Variants in KHDRBS2 observed in about 807,000 individuals in gnomAD.
The protein encoded by KHDRBS2 is KH domain-containing, RNA-binding, signal transduction-associated protein 2.
Under a neutral mutation model 44.3 loss-of-function variants are expected in KHDRBS2, and 26 were observed. That is an observed-to-expected ratio of 0.59 (90% CI 0.43 to 0.81). KHDRBS2 has a LOEUF of 0.81. KHDRBS2 is among the 40% of genes least tolerant of loss of function. The pLI, the probability that KHDRBS2 is intolerant of heterozygous loss-of-function variation, is 0.00. For missense variants in KHDRBS2, 476 were observed against 433.1 expected (o/e 1.10, Z -0.88); for synonymous variants, 194 against 151.1 (o/e 1.28, Z -2.08).
chr6:62,093,856 T>TTGTGTGTGTGTGTGTGTGTGTG, intron 2 of KHDRBS2, among the ~76,000 whole-genome samples: 1 of 143,308 alleles, frequency 7.0e-6, no homozygotes, highest in South Asian at 2.2e-4. Flanking sequence ...TTCCATTGTT[T>TTGTGTGTGTGTGTGTGTGTGTG]TGTGTGTGTG....
intron 1 of KHDRBS2, among the ~76,000 whole-genome samples, chr6:62,270,995 T>TA (rs1439181805): frequency 6.6e-6 from 1 of 152,160 alleles, no homozygotes; most frequent in Admixed American, 6.6e-5. Flanking sequence ...CAGCATTTTT[T>TA]ACCATATTCC....
At chr6:61,931,468 G>GAT (rs569980122) in intron 4 of KHDRBS2, among the ~76,000 whole-genome samples, 290 of 151,712 alleles carry the variant, frequency 1.9e-3, no homozygotes, top group African/African-American at 6.4e-3. Flanking sequence ...ATGTGCTAAA[G>GAT]ATATATATAT....
At chr6:61,562,168 T>C in the KHDRBS2 span, among the ~76,000 whole-genome samples, 1 of 152,202 alleles carries the variant, frequency 6.6e-6, no homozygotes, top group Non-Finnish European at 1.5e-5. Context: ...AATTCAAAAC[T>C]TTTCTCAAAT....
rs1158240136 is a variant in KHDRBS2 at position 62,114,907 on chromosome 6, C to A, written c.219+62278G>T. ...AATTTATGTTAAAAATGGAAAAAAA[C>A]TCTCACTATTGAGAAAACATGGTAT... On this transcript the variant is annotated intron_variant, in intron 2 of 8. Transcript: ENST00000281156. Among the ~76,000 whole-genome samples the A allele has an allele frequency of 3.3e-5, 5 of 151,986 alleles. No individual in the cohort carries two copies. In the East Asian group the frequency reaches 7.7e-4, roughly 23 times the overall value.
chr6:61,855,492 A>G (rs201866036), intron 6 of KHDRBS2, among the ~76,000 whole-genome samples: 1 of 27,572 alleles, frequency 3.6e-5, no homozygotes, highest in Non-Finnish European at 8.3e-5. Flanking sequence ...GTGTATATGT[A>G]TATATATATA....
At chr6:62,141,626 T>C (rs1350860018) in intron 2 of KHDRBS2, among the ~76,000 whole-genome samples, 4 of 152,164 alleles carry the variant, frequency 2.6e-5, no homozygotes, top group Non-Finnish European at 4.4e-5. Context: ...AAAAAATGTA[T>C]CATAGGCTCA....
chr6:61,587,454 C>T, the KHDRBS2 span, among the ~76,000 whole-genome samples: 4 of 151,998 alleles, frequency 2.6e-5, no homozygotes, highest in Non-Finnish European at 4.4e-5. Flanking sequence ...TCTGCACTCG[C>T]CTTGTGTAAT....
intron 1 of KHDRBS2, among the ~76,000 whole-genome samples, chr6:62,198,443 G>A (rs1237145702): frequency 2.0e-5 from 3 of 152,080 alleles, no homozygotes; most frequent in Non-Finnish European, 4.4e-5. Flanking sequence ...TACCATCAGA[G>A]AATACTATAA....
chr6:62,028,774 T>C (rs1783829042), intron 3 of KHDRBS2, among the ~76,000 whole-genome samples: 2 of 152,096 alleles, frequency 1.3e-5, no homozygotes, highest in African/African-American at 2.4e-5. Context: ...GCAAATAACC[T>C]GATTAAATAA....
rs183484559 is a variant in KHDRBS2, at chr6:62,109,202, C to G, written c.220-61208G>C. ...ACAATTTGAAAAATAGGCAATGTAA[C>G]TCACCATATTAACAATCTAAACAAG... On this transcript the variant is annotated intron_variant, in intron 2 of 8. Coordinates refer to ENST00000281156, the MANE Select transcript of KHDRBS2 (RefSeq NM_152688.4). 3.8e-3 allele frequency among the ~76,000 whole-genome samples: 580 copies of G among 151,770 alleles called. 1 individual carries two copies. The highest frequency in any genetic ancestry group is 0.014 in the African/African-American group (561 of 41,450).
chr6:62,059,156 T>C (rs1297877417), intron 2 of KHDRBS2, among the ~76,000 whole-genome samples: 2 of 132,242 alleles, frequency 1.5e-5, no homozygotes, highest in African/African-American at 5.4e-5. Context: ...GCTATAGAAT[T>C]CAAAGGAAGA....
chr6:62,223,347 T>C (rs540941541), intron 1 of KHDRBS2, among the ~76,000 whole-genome samples: 21 of 152,272 alleles, frequency 1.4e-4, no homozygotes, highest in African/African-American at 4.8e-4. Context: ...GGGCACTAAG[T>C]ACCTAGGCTG....
At chr6:61,546,826 T>C in the KHDRBS2 span, among the ~76,000 whole-genome samples, 2 of 152,154 alleles carry the variant, frequency 1.3e-5, no homozygotes, top group Non-Finnish European at 2.9e-5. Context: ...CATCGTTTAT[T>C]ATCATGCATT....
At chr6:61,667,134 C>T in the KHDRBS2 span, among the ~76,000 whole-genome samples, 2 of 133,714 alleles carry the variant, frequency 1.5e-5, no homozygotes, top group African/African-American at 2.7e-5. Flanking sequence ...CCGCAAAGTA[C>T]TTTTTTTTTT....
At position 62,172,688 on chromosome 6, in the gene KHDRBS2, C is replaced by G. The variant is rs190294853; in HGVS notation, c.219+4497G>C. Among the ~76,000 whole-genome samples the G allele has an allele frequency of 5.1e-5, 6 of 117,646 alleles. No individual in the cohort carries two copies. In the East Asian group the frequency reaches 1.4e-3, roughly 28 times the overall value. 77.2% of individuals were successfully genotyped at this position (117,646 alleles called of 152,430 possible). A position where few individuals can be genotyped will look rare whatever the true frequency, so the allele number is the denominator to read the frequency against. ...CACACAATTGGCCATAAAACAATCC[C>G]CAGCAAACTGAAAAAAAAAAAAAAA... On this transcript the variant is annotated intron_variant, in intron 2 of 8. Coordinates refer to ENST00000281156, the MANE Select transcript of KHDRBS2 (RefSeq NM_152688.4).
At chr6:62,045,941 A>T (rs1372147202) in intron 3 of KHDRBS2, among the ~76,000 whole-genome samples, 1 of 111,670 alleles carries the variant, frequency 9.0e-6, no homozygotes, top group Non-Finnish European at 2.0e-5. Flanking sequence ...AAAAGCAAGC[A>T]AGTGGAACAA....
At chr6:61,732,058 C>T (rs780225647) in intron 7 of KHDRBS2, among the ~76,000 whole-genome samples, 1 of 151,942 alleles carries the variant, frequency 6.6e-6, no homozygotes, top group Non-Finnish European at 1.5e-5. Flanking sequence ...TTTTGGTGGT[C>T]ATTACACAGT....
At chr6:61,567,693 T>A in the KHDRBS2 span, among the ~76,000 whole-genome samples, 3 of 125,072 alleles carry the variant, frequency 2.4e-5, no homozygotes, top group African/African-American at 9.3e-5. Flanking sequence ...CTCCCTCCTT[T>A]CCCCTTTCTT....
chr6:61,850,227 C>G (rs1263765549), intron 6 of KHDRBS2, among the ~76,000 whole-genome samples: 1 of 151,838 alleles, frequency 6.6e-6, no homozygotes, highest in Admixed American at 6.6e-5. Flanking sequence ...GTTTTTTGGA[C>G]TAGGCAAATG....
Sources: allele counts gnomAD v4.1 joint callset (sites outside exome capture counted in the v4.1 genomes callset), GRCh38; gene constraint gnomAD v4.1.1; transcripts MANE v1.5; gene names NCBI Gene and HGNC (gene_info 2026-07-23, HGNC 2026-07-21).